The following MAPRE3 variants were observed in gnomAD, a reference collection of about 807,000 sequenced individuals.
MAPRE3 encodes the protein microtubule associated protein RP/EB family member 3, also known as microtubule-associated protein RP/EB family member 3.
MAPRE3 carries 2 observed loss-of-function variants against 30.5 expected under a neutral mutation model. The ratio of observed to expected loss-of-function variants is 0.07; its 90% CI spans 0.03 to 0.21. The LOEUF is 0.21. Ranked by LOEUF, MAPRE3 falls within the 10% of genes least tolerant of loss-of-function variation. The probability of loss-of-function intolerance (pLI) is 1.00; values close to 1 mark genes in which losing one functional copy is unlikely to be tolerated. For missense variants in MAPRE3, 204 were observed against 351.8 expected (o/e 0.58, Z 3.36); for synonymous variants, 110 against 127.7 (o/e 0.86, Z 0.93).
At chr2:27,000,882 T>C (rs376938050) in intron 1 of MAPRE3, among the ~76,000 whole-genome samples, 2 of 152,264 alleles carry the variant, frequency 1.3e-5, no homozygotes, top group African/African-American at 4.8e-5. Flanking sequence ...CAAGGACTCA[T>C]TGCTGCCTGA....
chr2:27,026,161 G>A (rs1667236503), intron 6 of MAPRE3, 119 bp from the exon 7 acceptor site: 1 of 1,398,748 alleles, frequency 7.1e-7, no homozygotes, highest in Admixed American at 1.9e-5. Context: ...CTAGCCCAGG[G>A]TCACCCATTA....
chr2:27,023,446 A>C lies in MAPRE3; in HGVS notation c.236A>C (p.Gln79Pro). 1 of 1,614,132 alleles carries C rather than the reference A, an allele frequency of 6.2e-7. No homozygotes were observed. The highest frequency in any genetic ancestry group is 8.5e-7 in the Non-Finnish European group (1 of 1,180,000). The change falls in exon 3 of 7, where the codon CAA becomes CCA. Residue 79 changes from glutamine (Q) to proline (P), a missense_variant. Physicochemically the swap from Gln to Pro is moderately conservative, Grantham distance 76. This residue lies in a region of MAPRE3 where 101 missense variants were observed against 205.4 expected (regional missense o/e 0.49). Transcript: ENST00000233121. ...HEYIHNFKVL[Q>P]AAFKKMGVDK... is the part of the protein sequence containing the mutation. ...TACATCCACAACTTCAAGGTGCTGC[A>C]AGCAGCTTTCAAGAAGATGGGTGTT...
At chr2:27,022,478 C>A in intron 2 of MAPRE3, 139 bp downstream of exon 2, 1 of 1,134,136 alleles carries the variant, frequency 8.8e-7, no homozygotes. Context: ...CATCCTTAGG[C>A]GATGTTGTTG....
At chr2:26,977,578 C>T (rs1180877661) in intron 1 of MAPRE3, among the ~76,000 whole-genome samples, 2 of 152,332 alleles carry the variant, frequency 1.3e-5, no homozygotes, top group South Asian at 2.1e-4. Context: ...CTCCCTTTGC[C>T]CTTTGTCACC....
At chr2:26,992,905 C>A (rs1435202768) in intron 1 of MAPRE3, among the ~76,000 whole-genome samples, 1 of 152,178 alleles carries the variant, frequency 6.6e-6, no homozygotes, top group Admixed American at 6.5e-5. Flanking sequence ...CCTGAGAAAT[C>A]CAGTGTTCTG....
chr2:27,001,096 T>C (rs974664673), intron 1 of MAPRE3, among the ~76,000 whole-genome samples: 5 of 152,230 alleles, frequency 3.3e-5, no homozygotes, highest in African/African-American at 1.2e-4. Context: ...CTTCAACAAC[T>C]GTTGGTATAT....
intron 1 of MAPRE3, among the ~76,000 whole-genome samples, chr2:27,003,319 A>G (rs1249898866): frequency 6.6e-6 from 1 of 152,212 alleles, no homozygotes; most frequent in African/African-American, 2.4e-5. Flanking sequence ...TGAGCAAGAC[A>G]GGCTGAATGC....
At chr2:26,972,615 C>T (rs901265593) in intron 1 of MAPRE3, among the ~76,000 whole-genome samples, 3 of 152,170 alleles carry the variant, frequency 2.0e-5, no homozygotes, top group Non-Finnish European at 4.4e-5. Flanking sequence ...ACCAAAATAC[C>T]CGAGCAGGGC....
At chr2:26,980,820 T>C (rs964210208) in intron 1 of MAPRE3, among the ~76,000 whole-genome samples, 2 of 151,934 alleles carry the variant, frequency 1.3e-5, no homozygotes, top group African/African-American at 2.4e-5. Flanking sequence ...AAGAAGGAGG[T>C]CTGAGCATGT....
intron 1 of MAPRE3, among the ~76,000 whole-genome samples, chr2:27,017,803 A>G (rs1405961917): frequency 6.6e-6 from 1 of 151,498 alleles, no homozygotes; most frequent in Non-Finnish European, 1.5e-5. Flanking sequence ...CTTTAAAATT[A>G]TGTGTGTGTG....
In MAPRE3 at chr2:27,025,740, G is replaced by A. The variant is rs371331292; in HGVS notation, c.624+3G>A. On this transcript the variant is annotated splice_donor_region_variant and intron_variant, in intron 5 of 6. Transcript: ENST00000233121. ...AAATTCTTGAACTCAACCAACAGGT[G>A]AGTGGGATGGGTAAGGGTAGCTGAG... The A allele has an allele frequency of 1.3e-5, 21 of 1,614,092 alleles. No individual in the cohort carries two copies. Among genetic ancestry groups the A allele is most frequent in the Non-Finnish European group, 1.8e-5 (21 of 1,180,042 alleles).
At chr2:27,020,009 G>T (rs536045984) in intron 1 of MAPRE3, among the ~76,000 whole-genome samples, 1 of 152,174 alleles carries the variant, frequency 6.6e-6, no homozygotes, top group Non-Finnish European at 1.5e-5. Context: ...ATTTAGTTAG[G>T]TCTGGGGGAG....
chr2:27,004,211 A>C (rs1337120431), intron 1 of MAPRE3, among the ~76,000 whole-genome samples: 1 of 152,118 alleles, frequency 6.6e-6, no homozygotes, highest in East Asian at 1.9e-4. Context: ...GGTGCTGTGG[A>C]GTCCTTTTCA....
At chr2:26,988,872 T>C (rs1198902201) in intron 1 of MAPRE3, among the ~76,000 whole-genome samples, 1 of 152,228 alleles carries the variant, frequency 6.6e-6, no homozygotes, top group African/African-American at 2.4e-5. Flanking sequence ...GGAGTTGATC[T>C]TGGCTTGAAA....
chr2:26,971,619 C>CT (rs201981015), intron 1 of MAPRE3, among the ~76,000 whole-genome samples: 387 of 141,404 alleles, frequency 2.7e-3, no homozygotes, highest in African/African-American at 5.5e-3. Flanking sequence ...CTTTAAAATG[C>CT]TTTTTTTTTT....
intron 6 of MAPRE3, 47 bp downstream of exon 6, chr2:27,026,079 C>T (rs775613572): frequency 6.2e-7 from 1 of 1,608,854 alleles, no homozygotes; most frequent in Non-Finnish European, 8.5e-7. Flanking sequence ...TGGCCTGGCC[C>T]TAAGACCAGA....
intron 1 of MAPRE3, among the ~76,000 whole-genome samples, chr2:27,019,403 A>G (rs1667065848): frequency 6.6e-6 from 1 of 151,832 alleles, no homozygotes; most frequent in African/African-American, 2.4e-5. Flanking sequence ...GACCCAGGCC[A>G]GAAGGTGATG....
chr2:26,994,545 C>G (rs2148207969), intron 1 of MAPRE3, among the ~76,000 whole-genome samples: 1 of 152,312 alleles, frequency 6.6e-6, no homozygotes. Context: ...ATCTTTTTCT[C>G]TAGATTCCAT....
At chr2:26,978,056 C>A (rs180846687) in intron 1 of MAPRE3, among the ~76,000 whole-genome samples, 8 of 152,146 alleles carry the variant, frequency 5.3e-5, no homozygotes, top group African/African-American at 1.2e-4. Context: ...GGGGTGGAGG[C>A]CTTCCCTGCT....
Sources: gnomAD v4.1 joint callset for allele counts (sites outside exome capture counted in the v4.1 genomes callset) on GRCh38, gnomAD v4.1.1 for gene constraint, gnomAD v4.1.1 regional missense constraint, MANE v1.5 for transcripts, NCBI Gene and HGNC (gene_info 2026-07-23, HGNC 2026-07-21) for gene names.